Variants in VPS13C observed in about 807,000 individuals in gnomAD.
The protein encoded by VPS13C is vacuolar protein sorting 13 homolog C, also known as intermembrane lipid transfer protein VPS13C.
VPS13C carries 358 observed loss-of-function variants against 456.8 expected under a neutral mutation model. That is an observed-to-expected ratio of 0.78 (90% CI 0.72 to 0.86). VPS13C has a LOEUF of 0.86. Among genes scored for constraint, VPS13C ranks in the 40% least tolerant of loss-of-function variants. The pLI, the probability that VPS13C is intolerant of heterozygous loss-of-function variation, is 0.00. For synonymous variants in VPS13C, 1,578 were observed against 1,486.7 expected, an observed-to-expected ratio of 1.06 and a Z score of -1.41; for missense variants, 4,818 against 4,385.4, an observed-to-expected ratio of 1.10 and a Z score of -2.79.
chr15:62,002,537 G>T (rs1401782384), intron 15 of VPS13C, among the ~76,000 whole-genome samples: 1 of 152,146 alleles, frequency 6.6e-6, no homozygotes, highest in African/African-American at 2.4e-5. Flanking sequence ...GATCCCACTT[G>T]TCTATTTTGG....
chr15:61,961,745 A>T lies in VPS13C; in HGVS notation c.3752T>A (p.Val1251Asp). ...INIDLKAPVI[V>D]IPQSSISTNA... ...GGTGGAAATAGAAGACTGTGGGATG[A>T]CTATAACCGGTGCTTTCAAATCAAT... is the stretch of plus-strand genomic sequence containing the variant. The change falls in exon 35 of 85, where the codon GTC (valine) becomes GAC (aspartate). Residue 1251 changes from valine to aspartate, a missense_variant. Transcript: ENST00000644861. 6.2e-7 allele frequency: 1 copy of T among 1,614,030 alleles called. No homozygotes were observed. The highest frequency in any genetic ancestry group is 8.5e-7 in the Non-Finnish European group (1 of 1,179,960).
At chr15:62,005,624 A>C (rs1334976148) in intron 15 of VPS13C, among the ~76,000 whole-genome samples, 1 of 151,270 alleles carries the variant, frequency 6.6e-6, no homozygotes, top group Non-Finnish European at 1.5e-5. Flanking sequence ...GATGGTCTTT[A>C]CATTTTGGCA....
At position 61,926,149 on chromosome 15, in the gene VPS13C, G is replaced by A. The variant is rs143419508; in HGVS notation, c.6517-601C>T. ...TATGGTAGTGCATACCTATAATCCC[G>A]GCACTTTTGGAGGCCAAAGTAGGGG... is the stretch of plus-strand genomic sequence containing the variant. On this transcript the variant is annotated intron_variant, in intron 52 of 84. Coordinates refer to ENST00000644861, the MANE Select transcript of VPS13C (RefSeq NM_020821.3). Among the ~76,000 whole-genome samples the A allele has an allele frequency of 7.9e-5, 12 of 152,204 alleles. No individual in the cohort carries two copies. The East Asian group carries it at 9.6e-4, about 12-fold the overall frequency.
chr15:61,887,594 G>C (rs1896362780), intron 67 of VPS13C, among the ~76,000 whole-genome samples: 1 of 152,182 alleles, frequency 6.6e-6, no homozygotes, highest in Non-Finnish European at 1.5e-5. Flanking sequence ...AGGAGGCTGA[G>C]GTGGGAGGAT....
At chr15:61,952,914 G>C (rs112820083) in intron 38 of VPS13C, among the ~76,000 whole-genome samples, 49 of 151,850 alleles carry the variant, frequency 3.2e-4, no homozygotes, top group African/African-American at 1.2e-3. Context: ...TGTAGAGATG[G>C]GGTCTTGTTA....
chr15:62,009,783 G>A (rs1015425451), intron 13 of VPS13C, among the ~76,000 whole-genome samples: 4 of 152,050 alleles, frequency 2.6e-5, no homozygotes, highest in African/African-American at 9.7e-5. Flanking sequence ...CCATGCTTGG[G>A]AAACAAATAG....
At chr15:62,048,039 G>C (rs2048478649) in intron 1 of VPS13C, among the ~76,000 whole-genome samples, 1 of 150,726 alleles carries the variant, frequency 6.6e-6, no homozygotes, top group South Asian at 2.1e-4. Context: ...AAAACTGAAG[G>C]AAGGGTAAAT....
chr15:62,000,781 T>C (rs1365696815), intron 15 of VPS13C, among the ~76,000 whole-genome samples, 155 bp from the exon 16 acceptor site: 2 of 152,150 alleles, frequency 1.3e-5, no homozygotes, highest in African/African-American at 4.8e-5. Flanking sequence ...GACTTTTAAA[T>C]TTTTTAATTT....
At chr15:61,936,417 C>T (rs188586648) in intron 48 of VPS13C, among the ~76,000 whole-genome samples, 180 bp downstream of exon 48, 1 of 152,274 alleles carries the variant, frequency 6.6e-6, no homozygotes, top group East Asian at 1.9e-4. Context: ...CAACAAGTGA[C>T]CCTTCCCCCT....
chr15:61,966,866 A>G (rs1028512148), intron 29 of VPS13C, among the ~76,000 whole-genome samples: 2 of 151,966 alleles, frequency 1.3e-5, no homozygotes, highest in Admixed American at 6.6e-5. Flanking sequence ...CAGACATCCA[A>G]AAACACATCC....
At chr15:61,983,636 A>G (rs2045950762) in intron 20 of VPS13C, 184 bp downstream of exon 20, 1 of 582,250 alleles carries the variant, frequency 1.7e-6, no homozygotes, top group East Asian at 3.1e-5. Flanking sequence ...GGAAAAATGT[A>G]TTGCATATGA....
chr15:61,884,132 A>T lies in VPS13C; in HGVS notation c.9479T>A (p.Phe3160Tyr), dbSNP rs780696326. ...AACAAAAGAATTTTGGTATACCTCA[A>T]AATTATTATCTAGCTTAATCCAGCC... ...DHGWIKLDNN[F>Y]EVNFDKDPME... Residue 3160 changes from phenylalanine to tyrosine, a missense_variant, in exon 68 of 85, where the codon TTT (phenylalanine) becomes TAT (tyrosine). Around this residue, in one of 3 missense-constraint regions of VPS13C, gnomAD observed 4,552 missense variants for 4,130.6 expected, o/e 1.10. Transcript: ENST00000644861. 1.3e-6 allele frequency: 2 copies of T among 1,580,792 alleles called. No homozygotes were observed. Among genetic ancestry groups the T allele is most frequent in the Admixed American group, 3.8e-5 (2 of 52,818 alleles).
In VPS13C at chr15:61,853,173, T is replaced by A. The variant is rs1283011872; in HGVS notation, c.*1284A>T. 1 of 152,184 alleles carries A rather than the reference T, an allele frequency of 6.6e-6. No individual in the cohort carries two copies. The highest frequency in any genetic ancestry group is 1.5e-5 in the Non-Finnish European group (1 of 68,020). 9.4% of individuals were successfully genotyped at this position (152,184 alleles called of 1,614,324 possible). A position where few individuals can be genotyped will look rare whatever the true frequency, so the allele number is the denominator to read the frequency against. On this transcript the variant is annotated 3_prime_UTR_variant, in exon 85 of 85. Transcript: ENST00000644861. The stretch of plus-strand genomic sequence containing the variant: ...GCCTGCTCCCTCACAGAACACAGTG[T>A]CATTATATATGCCTTATTTATATAT...
intron 65 of VPS13C, among the ~76,000 whole-genome samples, chr15:61,908,751 G>A (rs1216532539): frequency 2.6e-5 from 4 of 152,092 alleles, no homozygotes; most frequent in African/African-American, 4.8e-5. Context: ...GAATTGATAC[G>A]AAACTATTAA....
In VPS13C at chr15:61,962,521, TC is replaced by T. The variant is rs760788200; in HGVS notation, c.3452del (p.Gly1151GlufsTer33). ...TVHKKAVSIM[G>X]NEVFRFNLDL... ...CCAAATTAAAACGGAAAACTTCATT[TC>T]CCATTATTGACACAGCCTGAAAAAC... On this transcript the variant is annotated frameshift_variant, in exon 34 of 85. Coordinates refer to ENST00000644861, the MANE Select transcript of VPS13C (RefSeq NM_020821.3). LOFTEE classifies it high-confidence loss of function. 6.2e-7 allele frequency: 1 copy of T among 1,609,200 alleles called. No homozygotes were observed. The highest frequency in any genetic ancestry group is 8.5e-7 in the Non-Finnish European group (1 of 1,177,166).
At chr15:61,896,843 A>C (rs2042836176) in intron 66 of VPS13C, among the ~76,000 whole-genome samples, 1 of 152,136 alleles carries the variant, frequency 6.6e-6, no homozygotes, top group Non-Finnish European at 1.5e-5. Context: ...TGCAGACTTA[A>C]ATGTCCCTGT....
intron 83 of VPS13C, among the ~76,000 whole-genome samples, chr15:61,855,446 T>C (rs576507240): frequency 3.9e-5 from 6 of 152,254 alleles, no homozygotes; most frequent in African/African-American, 1.4e-4. Context: ...TTCCTTAAAT[T>C]TTGACACTCT....
chr15:61,999,224 CA>C (rs1785449286), intron 16 of VPS13C, among the ~76,000 whole-genome samples: 1 of 151,930 alleles, frequency 6.6e-6, no homozygotes, highest in Admixed American at 6.6e-5. Flanking sequence ...ACTAAAAATA[CA>C]AAAATTAGCC....
chr15:61,961,296 GC>G (rs1015840687), intron 35 of VPS13C, among the ~76,000 whole-genome samples: 44 of 151,634 alleles, frequency 2.9e-4, no homozygotes, highest in African/African-American at 1.0e-3. Flanking sequence ...GGAGGCTGAG[GC>G]AGGAGGATTG....
Sources: gnomAD v4.1 joint callset for allele counts (sites outside exome capture counted in the v4.1 genomes callset) on GRCh38, gnomAD v4.1.1 for gene constraint, gnomAD v4.1.1 regional missense constraint, MANE v1.5 for transcripts, NCBI Gene and HGNC (gene_info 2026-07-23, HGNC 2026-07-21) for gene names.